Variants in PARD3B observed in about 807,000 individuals in gnomAD.
PARD3B encodes par-3 family cell polarity regulator beta.
Under a neutral mutation model 130.2 loss-of-function variants are expected in PARD3B, and 103 were observed. That is an observed-to-expected ratio of 0.79 (90% CI 0.67 to 0.93). The LOEUF is 0.93. Among genes scored for constraint, PARD3B ranks in the 40% least tolerant of loss-of-function variants. The pLI, the probability that PARD3B is intolerant of heterozygous loss-of-function variation, is 0.00. For synonymous variants in PARD3B, 583 were observed against 553.2 expected (o/e 1.05, Z -0.76); for missense variants, 1,609 against 1,499.2 (o/e 1.07, Z -1.21).
At chr2:204,565,173 A>G (rs1174782081) in intron 1 of PARD3B, among the ~76,000 whole-genome samples, 2 of 152,174 alleles carry the variant, frequency 1.3e-5, no homozygotes, top group African/African-American at 2.4e-5. Context: ...CTTCTTTCCT[A>G]GAGGTCACCT....
At chr2:205,442,735 GA>G (rs2047764606) in intron 20 of PARD3B, among the ~76,000 whole-genome samples, 1 of 152,128 alleles carries the variant, frequency 6.6e-6, no homozygotes, top group Non-Finnish European at 1.5e-5. Flanking sequence ...GTTTCCCCCA[GA>G]TCTTTGGAAC....
chr2:204,785,398 C>A (rs376680977), intron 2 of PARD3B, among the ~76,000 whole-genome samples: 1 of 152,164 alleles, frequency 6.6e-6, no homozygotes, highest in East Asian at 1.9e-4. Flanking sequence ...TATGTGCCAG[C>A]CCCTGCTCTT....
intron 6 of PARD3B, among the ~76,000 whole-genome samples, chr2:205,115,860 T>C (rs530229690): frequency 2.1e-4 from 32 of 152,352 alleles, no homozygotes; most frequent in African/African-American, 7.2e-4. Context: ...GTTTGTGCCA[T>C]TATTTTAAAT....
rs10184804 is a variant in PARD3B at position 204,637,570 on chromosome 2, A to G, written c.121-48611A>G. The stretch of plus-strand genomic sequence containing the variant: ...TTATGGTGAAAATTTTTGTGTACAC[A>G]TATTTGTTCATATTTTAGATTATTT... On this transcript the variant is annotated intron_variant, in intron 1 of 22. Transcript: ENST00000406610. 6.1e-3 allele frequency among the ~76,000 whole-genome samples: 933 copies of G among 152,264 alleles called. 8 individuals carry two copies. Among genetic ancestry groups the G allele is most frequent in the African/African-American group, 0.022 (894 of 41,558 alleles).
At chr2:204,653,002 C>T (rs541285333) in intron 1 of PARD3B, among the ~76,000 whole-genome samples, 10 of 151,088 alleles carry the variant, frequency 6.6e-5, no homozygotes, top group Admixed American at 4.6e-4. Context: ...GCCCCTCTCC[C>T]GACACATGGG....
intron 18 of PARD3B, among the ~76,000 whole-genome samples, chr2:205,329,816 C>A (rs1263517419): frequency 2.0e-5 from 3 of 151,706 alleles, no homozygotes; most frequent in Admixed American, 6.6e-5. Context: ...TGTGGCAAAA[C>A]CCCATCTCTA....
At chr2:204,771,876 G>A (rs963570364) in intron 2 of PARD3B, among the ~76,000 whole-genome samples, 2 of 151,972 alleles carry the variant, frequency 1.3e-5, no homozygotes, top group African/African-American at 4.8e-5. Context: ...ACATAAGATG[G>A]TATGTGCTTA....
chr2:205,449,496 G>A (rs1479449415), intron 20 of PARD3B, among the ~76,000 whole-genome samples: 2 of 152,218 alleles, frequency 1.3e-5, no homozygotes, highest in East Asian at 1.9e-4. Context: ...CTCCCAAAGC[G>A]CTGGGATTAC....
intron 2 of PARD3B, among the ~76,000 whole-genome samples, chr2:204,837,177 A>G (rs1419601407): frequency 6.6e-6 from 1 of 152,156 alleles, no homozygotes; most frequent in Non-Finnish European, 1.5e-5. Context: ...CAATGACGTT[A>G]TCTAGTAAGT....
At chr2:204,863,121 G>A (rs1182643447) in intron 2 of PARD3B, among the ~76,000 whole-genome samples, 2 of 152,122 alleles carry the variant, frequency 1.3e-5, no homozygotes, top group Non-Finnish European at 2.9e-5. Flanking sequence ...ATGGAATTTC[G>A]CTGGGGACCC....
In PARD3B at chr2:204,775,525, C is replaced by T. The variant is rs781468321; in HGVS notation, c.222+89243C>T. On this transcript the variant is annotated intron_variant, in intron 2 of 22. Coordinates refer to ENST00000406610, the MANE Select transcript of PARD3B (RefSeq NM_001302769.2). ...CTTTATGTAAATGGAGCTGGAGGAG[C>T]CAGGATTGGAATCCAGGAACTCCTA... Among the ~76,000 whole-genome samples the T allele has an allele frequency of 9.8e-4, 149 of 152,048 alleles. 1 individual carries two copies. Among genetic ancestry groups the T allele is most frequent in the Non-Finnish European group, 1.9e-3 (130 of 68,010 alleles).
chr2:205,451,653 A>C (rs945866480), intron 20 of PARD3B, among the ~76,000 whole-genome samples: 3 of 150,802 alleles, frequency 2.0e-5, no homozygotes, highest in Non-Finnish European at 4.4e-5. Flanking sequence ...CTTGTTTTAC[A>C]TTTTTTATTT....
At chr2:204,974,331 C>T (rs746226082) in intron 3 of PARD3B, among the ~76,000 whole-genome samples, 41 of 151,964 alleles carry the variant, frequency 2.7e-4, no homozygotes, top group African/African-American at 8.7e-4. Context: ...ACGGTGTGAT[C>T]GGGGAAAATG....
intron 1 of PARD3B, among the ~76,000 whole-genome samples, chr2:204,622,039 A>T (rs755415638): frequency 2.6e-5 from 4 of 152,212 alleles, no homozygotes; most frequent in African/African-American, 7.2e-5. Context: ...TAAAGAGTAC[A>T]CTATGGCTTC....
Position 204,583,794 on chromosome 2 carries a change from T to G in PARD3B, c.120+37675T>G, listed in dbSNP as rs1230674546. On this transcript the variant is annotated intron_variant, in intron 1 of 22. Transcript: ENST00000406610. ...CTTGTAGTGTCATTATTTTGTGATG[T>G]GAAAATATTCTTTTCGTGTATTGAT... 2.0e-5 allele frequency among the ~76,000 whole-genome samples: 3 copies of G among 152,236 alleles called. No individual in the cohort carries two copies. In the East Asian group the frequency reaches 5.8e-4, roughly 29 times the overall value.
intron 19 of PARD3B, among the ~76,000 whole-genome samples, chr2:205,418,304 A>G (rs189668412): frequency 3.4e-4 from 52 of 152,200 alleles, no homozygotes; most frequent in African/African-American, 1.2e-3. Context: ...TTGACTTTTT[A>G]ATTTTTTTGG....
chr2:204,721,416 T>C (rs543541898), intron 2 of PARD3B, among the ~76,000 whole-genome samples: 4 of 152,284 alleles, frequency 2.6e-5, no homozygotes, highest in African/African-American at 9.6e-5. Context: ...CTGGAGGGGC[T>C]CTTTTAAAGT....
At chr2:205,210,581 C>G (rs1359371451) in intron 15 of PARD3B, among the ~76,000 whole-genome samples, 3 of 152,048 alleles carry the variant, frequency 2.0e-5, no homozygotes, top group Non-Finnish European at 2.9e-5. Context: ...ATTATGTTAT[C>G]ATTATAATTT....
intron 21 of PARD3B, among the ~76,000 whole-genome samples, chr2:205,551,325 G>C (rs1023348436): frequency 4.0e-5 from 6 of 150,334 alleles, no homozygotes; most frequent in South Asian, 4.2e-4. Context: ...TGAGGACAAT[G>C]TTTCTGTCCT....
Sources: allele counts gnomAD v4.1 joint callset (sites outside exome capture counted in the v4.1 genomes callset), GRCh38; gene constraint gnomAD v4.1.1; transcripts MANE v1.5; gene names NCBI Gene and HGNC (gene_info 2026-07-23, HGNC 2026-07-21).